Variants in TBCK observed in about 807,000 individuals in gnomAD.
The protein encoded by TBCK is TBC1 domain containing kinase, also known as TBC domain-containing protein kinase-like protein.
TBCK carries 99 observed loss-of-function variants against 113.4 expected under a neutral mutation model. The ratio of observed to expected loss-of-function variants is 0.87; its 90% confidence interval spans 0.74 to 1.03. The LOEUF is 1.03. Among genes scored for constraint, TBCK ranks in the 50% least tolerant of loss-of-function variants. TBCK has a pLI of 0.00. For synonymous variants in TBCK, 369 were observed against 370.8 expected (o/e 1.00, Z 0.05); for missense variants, 1,045 against 1,061.3 (o/e 0.98, Z 0.21).
intron 2 of TBCK, among the ~76,000 whole-genome samples, chr4:106,299,416 T>C (rs553917220): frequency 6.6e-6 from 1 of 152,362 alleles, no homozygotes; most frequent in East Asian, 1.9e-4. Context: ...AATTGGATAT[T>C]CATAATTCTT....
intron 22 of TBCK, among the ~76,000 whole-genome samples, chr4:106,174,657 C>A (rs1213574934): frequency 1.3e-5 from 2 of 152,002 alleles, no homozygotes; most frequent in African/African-American, 4.8e-5. Context: ...TAATTTGTTT[C>A]TTTTTAAATC....
chr4:106,280,686 T>C (rs1208324072), intron 3 of TBCK, among the ~76,000 whole-genome samples: 1 of 152,136 alleles, frequency 6.6e-6, no homozygotes. Flanking sequence ...CTGAAAAGAC[T>C]TTCCTGTCCT....
intron 25 of TBCK, among the ~76,000 whole-genome samples, chr4:106,050,973 G>A (rs140804937): frequency 2.4e-3 from 366 of 152,048 alleles, no homozygotes; most frequent in African/African-American, 8.2e-3. Flanking sequence ...AGGTTCTTGC[G>A]GGTGCCACTC....
intron 22 of TBCK, among the ~76,000 whole-genome samples, chr4:106,179,088 T>C (rs1171720082): frequency 1.3e-5 from 2 of 152,066 alleles, no homozygotes; most frequent in East Asian, 1.9e-4. Context: ...CTGCATTCTG[T>C]AGTAAAATGT....
rs1475610213 is a variant in TBCK at position 106,252,152 on chromosome 4, T to C, written c.456-145A>G. ...GCTAGAAAGCATTCTAAACTAACCA[T>C]CATAATACAGAACTTTAATGTCAAG... On this transcript the variant is annotated intron_variant, in intron 5 of 25. Coordinates refer to ENST00000394708, the MANE Select transcript of TBCK (RefSeq NM_001163435.3). 1.2e-5 allele frequency: 7 copies of C among 595,616 alleles called. No homozygotes were observed. In the Admixed American group the frequency reaches 2.4e-4, roughly 20 times the overall value. The allele number at this position is 595,616 out of a possible 1,614,324, so 36.9% of individuals were successfully genotyped here. A position where few individuals can be genotyped will look rare whatever the true frequency, so the allele number is the denominator to read the frequency against.
At position 106,043,067 on chromosome 4, in the gene TBCK, C is replaced by A. The variant is rs996154994; in HGVS notation, c.*3503G>T. 12 of 152,184 alleles carry A rather than the reference C, an allele frequency of 7.9e-5. No individual in the cohort carries two copies. Among genetic ancestry groups the A allele is most frequent in the African/African-American group, 2.9e-4 (12 of 41,440 alleles). 9.4% of individuals were successfully genotyped at this position (152,184 alleles called of 1,614,324 possible). A position where few individuals can be genotyped will look rare whatever the true frequency, so the allele number is the denominator to read the frequency against. The stretch of plus-strand genomic sequence containing the variant: ...TATTCCAAAACCTGAGTTCTTGGGG[C>A]TTATATTGATACTGGGTATCCCACG... On this transcript the variant is annotated 3_prime_UTR_variant, in exon 26 of 26. Transcript: ENST00000394708.
intron 25 of TBCK, among the ~76,000 whole-genome samples, chr4:106,068,215 A>G (rs966273739): frequency 3.3e-5 from 5 of 152,102 alleles, no homozygotes; most frequent in Admixed American, 3.3e-4. Flanking sequence ...GGTTTGTTAC[A>G]TATGTATACA....
chr4:106,275,005 G>A (rs1763876630), intron 3 of TBCK, among the ~76,000 whole-genome samples: 1 of 152,012 alleles, frequency 6.6e-6, no homozygotes, highest in Admixed American at 6.6e-5. Flanking sequence ...GGTGGTGTGT[G>A]CCTGTAGTCC....
At position 106,171,239 on chromosome 4, in the gene TBCK, A is replaced by G; in HGVS notation, c.2091T>C (p.Ser697=). ...EIDIERCVRE[S]INLFCWTPKS... ...TAGGAGTCCAACAAAACAGGTTGAT[A>G]GATTCTCTCACACAGCGTTCAATGT... Residue 697 remains serine, a synonymous_variant, in exon 23 of 26, where the codon TCT becomes TCC. Transcript: ENST00000394708. The G allele has an allele frequency of 6.2e-7, 1 of 1,611,242 alleles. No individual in the cohort carries two copies. The highest frequency in any genetic ancestry group is 8.5e-7 in the Non-Finnish European group (1 of 1,179,006).
intron 23 of TBCK, among the ~76,000 whole-genome samples, chr4:106,119,577 G>A (rs912883424): frequency 1.3e-5 from 2 of 152,158 alleles, no homozygotes; most frequent in Non-Finnish European, 2.9e-5. Flanking sequence ...AAAACATTGT[G>A]GAAATGCTTC....
At chr4:106,219,034 G>A (rs1251690610) in intron 19 of TBCK, among the ~76,000 whole-genome samples, 1 of 151,736 alleles carries the variant, frequency 6.6e-6, no homozygotes, top group Non-Finnish European at 1.5e-5. Flanking sequence ...GGAATACTAT[G>A]CAGCCATAAA....
chr4:106,300,145 T>A (rs1766783589), intron 2 of TBCK, among the ~76,000 whole-genome samples: 4 of 152,218 alleles, frequency 2.6e-5, no homozygotes, highest in Admixed American at 6.5e-5. Context: ...CCTGCTGCTA[T>A]CCATGTAAGA....
At chr4:106,298,554 G>C (rs1312292748) in intron 2 of TBCK, among the ~76,000 whole-genome samples, 1 of 152,074 alleles carries the variant, frequency 6.6e-6, no homozygotes, top group Non-Finnish European at 1.5e-5. Context: ...AGCTTGTAGT[G>C]AGCCGAGATC....
At chr4:106,076,887 G>A (rs1032849713) in intron 25 of TBCK, among the ~76,000 whole-genome samples, 2 of 152,060 alleles carry the variant, frequency 1.3e-5, no homozygotes, top group Non-Finnish European at 2.9e-5. Context: ...CAGATTGCTT[G>A]AGCCCCAGGA....
chr4:106,288,681 G>A (rs1248059213), intron 3 of TBCK, among the ~76,000 whole-genome samples: 1 of 152,130 alleles, frequency 6.6e-6, no homozygotes, highest in Non-Finnish European at 1.5e-5. Context: ...ATATTTATAA[G>A]GTTAATCCAC....
chr4:106,152,921 T>C (rs1025218754), intron 23 of TBCK, among the ~76,000 whole-genome samples: 1 of 152,114 alleles, frequency 6.6e-6, no homozygotes, highest in African/African-American at 2.4e-5. Context: ...ACAGTAGTAA[T>C]GTCTCCTTTT....
chr4:106,204,552 T>G (rs1755233507), intron 20 of TBCK, among the ~76,000 whole-genome samples: 2 of 152,194 alleles, frequency 1.3e-5, no homozygotes. Context: ...ATAATGGTCA[T>G]GTGAAGGAGT....
intron 25 of TBCK, among the ~76,000 whole-genome samples, chr4:106,073,176 G>C (rs1235505685): frequency 6.6e-6 from 1 of 152,150 alleles, no homozygotes; most frequent in Non-Finnish European, 1.5e-5. Flanking sequence ...AGGAGGAGAG[G>C]TGCTCTGGTT....
At chr4:106,151,988 T>A (rs929794287) in intron 23 of TBCK, among the ~76,000 whole-genome samples, 6 of 151,944 alleles carry the variant, frequency 3.9e-5, no homozygotes, top group African/African-American at 1.4e-4. Flanking sequence ...TTTTATGGAG[T>A]CTTTAGGTTT....
Sources: gnomAD v4.1 joint callset for allele counts (sites outside exome capture counted in the v4.1 genomes callset) on GRCh38, gnomAD v4.1.1 for gene constraint, MANE v1.5 for transcripts, NCBI Gene and HGNC (gene_info 2026-07-23, HGNC 2026-07-21) for gene names.